RUNX2: variants seen among roughly 807,000 people sequenced by gnomAD.
The protein encoded by RUNX2 is RUNX family transcription factor 2.
A neutral mutation model predicts 51.7 loss-of-function variants in RUNX2; 10 were observed. The observed-to-expected ratio is 0.19, with a 90% CI of 0.12 to 0.33. The LOEUF (loss-of-function observed/expected upper bound fraction) is 0.33, where lower values mean the gene tolerates loss of function less well. RUNX2 is among the 10% of genes least tolerant of loss of function. RUNX2 has a pLI of 1.00. For synonymous variants in RUNX2, 276 were observed against 273.6 expected, an observed-to-expected ratio of 1.01 and a Z score of -0.09; for missense variants, 562 against 691.3, an observed-to-expected ratio of 0.81 and a Z score of 2.10.
intron 2 of RUNX2, among the ~76,000 whole-genome samples, chr6:45,343,360 C>T (rs1013048132): frequency 6.6e-6 from 1 of 152,060 alleles, no homozygotes; most frequent in Non-Finnish European, 1.5e-5. Flanking sequence ...AAGTTGTTCA[C>T]TTGATCTGTT....
intron 2 of RUNX2, among the ~76,000 whole-genome samples, chr6:45,398,876 G>T (rs1035763263): frequency 2.6e-5 from 4 of 152,118 alleles, no homozygotes; most frequent in Admixed American, 6.6e-5. Context: ...ACACACTGTG[G>T]CTATGTAATT....
intron 2 of RUNX2, chr6:45,422,022 G>C (rs1277811139): frequency 6.7e-6 from 1 of 148,878 alleles, no homozygotes; most frequent in East Asian, 2.0e-4. Context: ...CGCGCGGGGG[G>C]AGCGGCGGCC....
At chr6:45,520,722 ATCTT>A (rs1461985334) in intron 7 of RUNX2, among the ~76,000 whole-genome samples, 1 of 151,966 alleles carries the variant, frequency 6.6e-6, no homozygotes, top group African/African-American at 2.4e-5. Context: ...ATGTGTACAT[ATCTT>A]TCTTTTTTTT....
chr6:45,431,446 C>T (rs1197726348), intron 3 of RUNX2, among the ~76,000 whole-genome samples: 1 of 152,138 alleles, frequency 6.6e-6, no homozygotes, highest in Non-Finnish European at 1.5e-5. Context: ...ATTTTTTAGC[C>T]TGTGATGGGA....
intron 7 of RUNX2, among the ~76,000 whole-genome samples, chr6:45,513,232 C>T (rs987797169): frequency 7.0e-6 from 1 of 142,912 alleles, no homozygotes; most frequent in African/African-American, 2.5e-5. Context: ...AGAAAAGAAA[C>T]CTCTTGGTCC....
At chr6:45,513,169 A>G (rs1198592903) in intron 7 of RUNX2, among the ~76,000 whole-genome samples, 2 of 152,134 alleles carry the variant, frequency 1.3e-5, no homozygotes, top group Non-Finnish European at 1.5e-5. Context: ...CTCCAAACTG[A>G]CAAGTAGAGA....
intron 2 of RUNX2, among the ~76,000 whole-genome samples, chr6:45,402,550 A>T (rs1344769991): frequency 1.3e-5 from 2 of 152,228 alleles, no homozygotes; most frequent in Non-Finnish European, 1.5e-5. Flanking sequence ...AAGCATTAAC[A>T]AAATTTTGGC....
chr6:45,469,541 A>G (rs1582144375), intron 5 of RUNX2, among the ~76,000 whole-genome samples: 1 of 152,224 alleles, frequency 6.6e-6, no homozygotes, highest in South Asian at 2.1e-4. Context: ...AGATAAGATC[A>G]TTCTCTACAC....
intron 7 of RUNX2, among the ~76,000 whole-genome samples, chr6:45,531,314 T>C (rs1281529447): frequency 6.6e-6 from 1 of 152,214 alleles, no homozygotes; most frequent in Non-Finnish European, 1.5e-5. Context: ...CCAAAATTCA[T>C]GGTTTGATGC....
chr6:45,376,429 A>G (rs1796783374), intron 2 of RUNX2, among the ~76,000 whole-genome samples: 1 of 151,472 alleles, frequency 6.6e-6, no homozygotes, highest in East Asian at 1.9e-4. Context: ...ACGTAAATCA[A>G]TTTATTAATT....
chr6:45,337,955 T>C (rs901602851), intron 2 of RUNX2, among the ~76,000 whole-genome samples: 4 of 152,134 alleles, frequency 2.6e-5, no homozygotes, highest in South Asian at 2.1e-4. Context: ...TTATCACCTA[T>C]AAATTTTAAA....
intron 7 of RUNX2, among the ~76,000 whole-genome samples, chr6:45,513,901 C>A (rs572890006): frequency 6.6e-6 from 1 of 152,134 alleles, no homozygotes; most frequent in South Asian, 2.1e-4. Context: ...AAGGCTGATG[C>A]GGGATTAAAA....
At chr6:45,512,635 G>T (rs1002065372) in intron 7 of RUNX2, among the ~76,000 whole-genome samples, 2 of 152,144 alleles carry the variant, frequency 1.3e-5, no homozygotes, top group African/African-American at 2.4e-5. Flanking sequence ...TTTTAACATG[G>T]TATTTAATGC....
At chr6:45,350,601 G>A (rs1273738712) in intron 2 of RUNX2, among the ~76,000 whole-genome samples, 1 of 152,122 alleles carries the variant, frequency 6.6e-6, no homozygotes, top group Non-Finnish European at 1.5e-5. Flanking sequence ...GGGAAAAATA[G>A]GGGGATGAAA....
chr6:45,459,043 C>T (rs1799399811), intron 5 of RUNX2, among the ~76,000 whole-genome samples: 1 of 152,222 alleles, frequency 6.6e-6, no homozygotes, highest in African/African-American at 2.4e-5. Flanking sequence ...GTGTATGTGA[C>T]ATTAAGCAGC....
chr6:45,410,686 G>A (rs527828700), intron 2 of RUNX2, among the ~76,000 whole-genome samples: 2 of 152,204 alleles, frequency 1.3e-5, no homozygotes, highest in South Asian at 4.2e-4. Context: ...TAGTTCCTAC[G>A]GTTAAGGAGC....
intron 5 of RUNX2, among the ~76,000 whole-genome samples, chr6:45,452,874 C>A (rs1323611031): frequency 6.6e-6 from 1 of 152,078 alleles, no homozygotes; most frequent in Admixed American, 6.5e-5. Flanking sequence ...TTCTTTCCTC[C>A]CAAAATAACT....
intron 2 of RUNX2, among the ~76,000 whole-genome samples, chr6:45,371,560 T>C (rs1268971162): frequency 1.3e-5 from 2 of 152,218 alleles, no homozygotes; most frequent in Non-Finnish European, 2.9e-5. Flanking sequence ...TATGTTTTAA[T>C]AACAATCCTC....
At chr6:45,420,938 C>CA (rs1798169878) in intron 2 of RUNX2, 1 of 152,180 alleles carries the variant, frequency 6.6e-6, no homozygotes, top group South Asian at 2.1e-4. Context: ...TCCCAGCCTC[C>CA]AAAAACCACA....
Sources: allele counts gnomAD v4.1 joint callset (sites outside exome capture counted in the v4.1 genomes callset), GRCh38; gene constraint gnomAD v4.1.1; transcripts MANE v1.5; gene names NCBI Gene and HGNC (gene_info 2026-07-23, HGNC 2026-07-21).